RANBP2: variants seen among roughly 807,000 people sequenced by gnomAD.
RANBP2 encodes RAN binding protein 2, also known as E3 SUMO-protein ligase RanBP2.
RANBP2 carries 57 observed loss-of-function variants against 303.6 expected under a neutral mutation model. The ratio of observed to expected loss-of-function variants is 0.19; its 90% confidence interval spans 0.15 to 0.23. The LOEUF is 0.23. RANBP2 is among the 10% of genes least tolerant of loss of function. The probability of loss-of-function intolerance (pLI) is 1.00; values close to 1 mark genes in which losing one functional copy is unlikely to be tolerated. For missense variants in RANBP2, 3,138 were observed against 3,780.8 expected (o/e 0.83, Z 4.46); for synonymous variants, 1,167 against 1,301.5 (o/e 0.90, Z 2.23).
In RANBP2 at chr2:108,785,644, G is replaced by A. The variant is rs142754920; in HGVS notation, c.*1743G>A. On this transcript the variant is annotated 3_prime_UTR_variant, in exon 29 of 29. Transcript: ENST00000283195. ...CTTAAAAGTGGCTTGTGGCATTTATGAGAAAGTCTTTGTGTCACATTTCAG... is the reference window on the plus strand; with the variant it reads ...CTTAAAAGTGGCTTGTGGCATTTATAAGAAAGTCTTTGTGTCACATTTCAG... 6.6e-6 allele frequency: 1 copy of A among 152,288 alleles called. No homozygotes were observed. Among genetic ancestry groups the A allele is most frequent in the East Asian group, 1.9e-4 (1 of 5,190 alleles). The allele number at this position is 152,288 out of a possible 1,614,324, so 9.4% of individuals were successfully genotyped here. A position where few individuals can be genotyped will look rare whatever the true frequency, so the allele number is the denominator to read the frequency against.
the RANBP2 span, among the ~76,000 whole-genome samples, chr2:108,948,628 A>C: frequency 1.3e-5 from 2 of 152,152 alleles, no homozygotes; most frequent in Admixed American, 6.5e-5. Flanking sequence ...AGAGAGAGAG[A>C]GAGTGAAGTG....
the RANBP2 span, among the ~76,000 whole-genome samples, chr2:109,314,978 G>A: frequency 2.0e-5 from 3 of 152,198 alleles, no homozygotes; most frequent in African/African-American, 4.8e-5. Context: ...AGAACCCCCA[G>A]CAGGCATTCC....
the RANBP2 span, among the ~76,000 whole-genome samples, chr2:108,853,893 A>G: frequency 2.4e-5 from 3 of 123,096 alleles, no homozygotes; most frequent in Admixed American, 1.1e-4. Flanking sequence ...ATTATATAGT[A>G]TATATATTAT....
chr2:109,377,897 G>A, the RANBP2 span, among the ~76,000 whole-genome samples: 2 of 152,190 alleles, frequency 1.3e-5, no homozygotes, highest in Non-Finnish European at 2.9e-5. Flanking sequence ...GACGTTTGGT[G>A]GTGACTTAAA....
At chr2:108,774,806 A>G (rs762695506) in intron 23 of RANBP2, among the ~76,000 whole-genome samples, 1 of 151,610 alleles carries the variant, frequency 6.6e-6, no homozygotes, top group Non-Finnish European at 1.5e-5. Flanking sequence ...CCTGGGTTCA[A>G]GCAATTCTCA....
the RANBP2 span, chr2:109,618,245 A>AT: frequency 1.8e-5 from 3 of 166,628 alleles, no homozygotes. Flanking sequence ...TCTAGTGCAG[A>AT]ATAAGCTATA....
chr2:109,589,313 A>T, the RANBP2 span, among the ~76,000 whole-genome samples: 8 of 152,054 alleles, frequency 5.3e-5, no homozygotes, highest in African/African-American at 1.9e-4. Flanking sequence ...CAGGCAGGTT[A>T]CTTGAGGCCA....
At position 108,783,674 on chromosome 2, in the gene RANBP2, G is replaced by A. The variant is rs753000531; in HGVS notation, c.9448G>A (p.Val3150Met). The A allele has an allele frequency of 3.7e-6, 6 of 1,610,578 alleles. No homozygotes were observed. Among genetic ancestry groups the A allele is most frequent in the Non-Finnish European group, 5.1e-6 (6 of 1,176,790 alleles). ...GDKFEDENFD[V>M]KHTGPGLLSM... ...CAAATTTGAAGATGAAAATTTTGAT[G>A]TGAAACATACTGGTCCTGGTTTACT... The change falls in exon 29 of 29, where the codon GTG (valine) becomes ATG (methionine). Residue 3150 changes from valine to methionine, a missense_variant. Physicochemically the swap from Val to Met is conservative, Grantham distance 21. Transcript: ENST00000283195.
chr2:109,417,490 C>A, the RANBP2 span, among the ~76,000 whole-genome samples: 3 of 152,214 alleles, frequency 2.0e-5, no homozygotes, highest in East Asian at 3.9e-4. Flanking sequence ...CGGTGCTCAG[C>A]CTTTCCTGCT....
the RANBP2 span, among the ~76,000 whole-genome samples, chr2:109,042,177 T>C: frequency 1.5e-4 from 23 of 152,292 alleles, 1 homozygote; most frequent in African/African-American, 5.1e-4. Context: ...TCTCAGAGCA[T>C]TGCACTCAGG....
chr2:109,130,121 T>C, the RANBP2 span: 1 of 1,297,230 alleles, frequency 7.7e-7, no homozygotes, highest in Non-Finnish European at 9.7e-7. Context: ...AAGGTGAGTA[T>C]CTGTCTCGGC....
At chr2:109,074,998 C>A in the RANBP2 span, among the ~76,000 whole-genome samples, 11 of 119,682 alleles carry the variant, frequency 9.2e-5, no homozygotes, top group African/African-American at 3.4e-4. Context: ...TGCACTCCAG[C>A]CTGGGTGACA....
At chr2:109,090,310 TCACACACACACACACA>T in the RANBP2 span, among the ~76,000 whole-genome samples, 410 of 109,738 alleles carry the variant, frequency 3.7e-3, 1 homozygote, top group Admixed American at 7.4e-3. Flanking sequence ...ACACCTCGCC[TCACACACACACACACA>T]CACACACACA....
chr2:109,532,515 A>G, the RANBP2 span, among the ~76,000 whole-genome samples: 5 of 152,174 alleles, frequency 3.3e-5, no homozygotes, highest in African/African-American at 1.2e-4. Context: ...CTAAAATCTC[A>G]CGGGGAGCAC....
the RANBP2 span, among the ~76,000 whole-genome samples, chr2:109,169,129 A>G: frequency 1.1e-4 from 17 of 152,128 alleles, no homozygotes; most frequent in Non-Finnish European, 2.2e-4. Flanking sequence ...TAGATTTGTT[A>G]GTTGTAAGGC....
the RANBP2 span, among the ~76,000 whole-genome samples, chr2:109,403,836 C>T: frequency 1.3e-5 from 2 of 152,212 alleles, no homozygotes; most frequent in Non-Finnish European, 2.9e-5. Flanking sequence ...CTGACCTCTT[C>T]CCAAAAACTC....
At chr2:108,805,497 G>A in the RANBP2 span, among the ~76,000 whole-genome samples, 2 of 151,862 alleles carry the variant, frequency 1.3e-5, no homozygotes, top group African/African-American at 2.4e-5. Flanking sequence ...AGGCTGAGGT[G>A]GGCGGATCAC....
the RANBP2 span, among the ~76,000 whole-genome samples, chr2:109,426,602 G>T: frequency 1.3e-5 from 2 of 152,194 alleles, no homozygotes; most frequent in East Asian, 3.8e-4. Context: ...ATCTCCTCCT[G>T]GTGAAGATGG....
chr2:108,984,077 A>G, the RANBP2 span, among the ~76,000 whole-genome samples: 2 of 152,130 alleles, frequency 1.3e-5, no homozygotes, highest in Non-Finnish European at 2.9e-5. Flanking sequence ...TGGAAGTGTA[A>G]TCATGTGTTT....
Sources: gnomAD v4.1 joint callset for allele counts (sites outside exome capture counted in the v4.1 genomes callset) on GRCh38, gnomAD v4.1.1 for gene constraint, MANE v1.5 for transcripts, NCBI Gene and HGNC (gene_info 2026-07-23, HGNC 2026-07-21) for gene names.